Variants in DGKB observed in about 807,000 individuals in gnomAD.
DGKB encodes the protein diacylglycerol kinase beta.
DGKB carries 67 observed loss-of-function variants against 114.3 expected under a neutral mutation model. The ratio of observed to expected loss-of-function variants is 0.59; its 90% CI spans 0.48 to 0.72. DGKB has a LOEUF of 0.72. Ranked by LOEUF, DGKB falls within the 30% of genes least tolerant of loss-of-function variation. DGKB has a pLI of 0.00. For missense variants in DGKB, 907 were observed against 975.2 expected (o/e 0.93, Z 0.93); for synonymous variants, 398 against 323.1 (o/e 1.23, Z -2.49).
chr7:14,777,643 C>A (rs948670769), intron 2 of DGKB, among the ~76,000 whole-genome samples: 19 of 152,276 alleles, frequency 1.2e-4, no homozygotes, highest in Admixed American at 9.8e-4. Flanking sequence ...CCTGAGGGTT[C>A]CCTAGCCAGG....
chr7:14,965,788 T>C (rs898780119), intron 1 of DGKB, among the ~76,000 whole-genome samples: 2 of 152,120 alleles, frequency 1.3e-5, no homozygotes, highest in African/African-American at 4.8e-5. Context: ...AAATGACATG[T>C]TTGGCCCCTC....
intron 21 of DGKB, among the ~76,000 whole-genome samples, chr7:14,426,502 A>G (rs1289868720): frequency 6.6e-6 from 1 of 152,156 alleles, no homozygotes; most frequent in Non-Finnish European, 1.5e-5. Flanking sequence ...GTTAGGGGGT[A>G]CAGCTGGAAA....
intron 20 of DGKB, among the ~76,000 whole-genome samples, chr7:14,571,680 G>A (rs1434702044): frequency 2.6e-5 from 4 of 152,212 alleles, no homozygotes; most frequent in Non-Finnish European, 5.9e-5. Flanking sequence ...GAGCGGAAGA[G>A]ACGAAAGAAA....
chr7:14,176,384 T>A (rs982333258), intron 25 of DGKB: 7 of 984,970 alleles, frequency 7.1e-6, no homozygotes, highest in Admixed American at 6.1e-5. Flanking sequence ...GGAGAGAAAT[T>A]TTTTTCTTAT....
intron 17 of DGKB, among the ~76,000 whole-genome samples, chr7:14,587,543 G>A (rs75991299): frequency 0.015 from 2,273 of 152,248 alleles, 70 homozygotes; most frequent in African/African-American, 0.052. Flanking sequence ...TCTGAGGGAA[G>A]TTCTACTGTG....
intron 25 of DGKB, among the ~76,000 whole-genome samples, chr7:14,159,823 C>A (rs367959765): frequency 6.6e-6 from 1 of 152,066 alleles, no homozygotes; most frequent in East Asian, 1.9e-4. Flanking sequence ...TAGGCGTCCA[C>A]CACCACGCCC....
chr7:14,666,532 C>T (rs774137072), intron 13 of DGKB, among the ~76,000 whole-genome samples: 17 of 151,896 alleles, frequency 1.1e-4, no homozygotes, highest in Non-Finnish European at 2.1e-4. Flanking sequence ...ACCAAGAATG[C>T]ATTTTTTAAT....
chr7:14,383,443 G>T (rs1819804208), intron 21 of DGKB, among the ~76,000 whole-genome samples: 1 of 152,180 alleles, frequency 6.6e-6, no homozygotes, highest in South Asian at 2.1e-4. Context: ...TTAGCTTAAA[G>T]AAAACAGACG....
chr7:14,345,371 T>C lies in DGKB; in HGVS notation c.1856A>G (p.Tyr619Cys), dbSNP rs1037771887. ...FNSRMKNKFW[Y>C]FEFGTSETFS... The stretch of plus-strand genomic sequence containing the variant: ...AGTTTCAGATGTGCCAAACTCAAAA[T>C]ACCAAAATTTGTTCTTCATTCTGAA... The change falls in exon 22 of 26, where the codon TAT becomes TGT. Residue 619 changes from tyrosine to cysteine, a missense_variant. Tyr to Cys is a radical substitution (Grantham distance 194, BLOSUM62 -2). Around this residue, in one of 3 missense-constraint regions of DGKB, gnomAD observed 814 missense variants for 856.6 expected, o/e 0.95. Transcript: ENST00000402815. The C allele has an allele frequency of 3.9e-6, 6 of 1,541,370 alleles. No individual in the cohort carries two copies. The highest frequency in any genetic ancestry group is 8.8e-7 in the Non-Finnish European group (1 of 1,141,092).
At chr7:14,537,400 A>G (rs948568684) in intron 20 of DGKB, among the ~76,000 whole-genome samples, 2 of 152,206 alleles carry the variant, frequency 1.3e-5, no homozygotes, top group African/African-American at 4.8e-5. Context: ...CACTTCCTAC[A>G]GTAATCACGA....
At chr7:14,347,538 G>GATCTCACTTATA (rs1812686991) in intron 21 of DGKB, among the ~76,000 whole-genome samples, 2 of 152,066 alleles carry the variant, frequency 1.3e-5, no homozygotes, top group South Asian at 4.1e-4. Flanking sequence ...AATCTTGCAT[G>GATCTCACTTATA]ATCTCACTTA....
chr7:14,538,563 T>TA (rs1792914412), intron 20 of DGKB, among the ~76,000 whole-genome samples: 1 of 151,980 alleles, frequency 6.6e-6, no homozygotes, highest in Non-Finnish European at 1.5e-5. Flanking sequence ...GCCACTATGA[T>TA]AAAATAGTAT....
At chr7:14,320,615 C>CAT (rs143298086) in intron 23 of DGKB, among the ~76,000 whole-genome samples, 35 of 150,032 alleles carry the variant, frequency 2.3e-4, no homozygotes, top group African/African-American at 4.6e-4. Flanking sequence ...ATATGTGGTA[C>CAT]ATATATATAT....
At chr7:14,650,802 T>A (rs1814280751) in intron 13 of DGKB, among the ~76,000 whole-genome samples, 1 of 146,062 alleles carries the variant, frequency 6.8e-6, no homozygotes, top group African/African-American at 2.6e-5. Context: ...CAATAAAAAA[T>A]GATAAAGGGG....
chr7:14,401,149 A>G (rs1443868317), intron 21 of DGKB, among the ~76,000 whole-genome samples: 1 of 151,922 alleles, frequency 6.6e-6, no homozygotes, highest in African/African-American at 2.4e-5. Context: ...TTCCACTTTT[A>G]AAAGAATATT....
chr7:14,151,243 G>A (rs1355145878), intron 25 of DGKB, among the ~76,000 whole-genome samples: 1 of 151,920 alleles, frequency 6.6e-6, no homozygotes, highest in Non-Finnish European at 1.5e-5. Context: ...AATAGCATTA[G>A]GGCATTTTGG....
At chr7:14,173,257 A>ATCTT (rs1781270635) in intron 25 of DGKB, among the ~76,000 whole-genome samples, 2 of 152,248 alleles carry the variant, frequency 1.3e-5, no homozygotes, top group South Asian at 4.1e-4. Context: ...TCTTTTCCTG[A>ATCTT]TCTTTGAACT....
At position 14,430,834 on chromosome 7, in the gene DGKB, TTTGA is replaced by T. The variant is rs532473315; in HGVS notation, c.1835+47323_1835+47326del. On this transcript the variant is annotated intron_variant, in intron 21 of 25. Coordinates refer to ENST00000402815, the MANE Select transcript of DGKB (RefSeq NM_001350709.2). The stretch of plus-strand genomic sequence containing the variant: ...ATGATTTGGTGAAAATAATATTTAC[TTTGA>T]TTTTCATATCGTACCATAGCTATCT... 1.1e-3 allele frequency among the ~76,000 whole-genome samples: 165 copies of T among 152,318 alleles called. 3 individuals are homozygous for T. Among genetic ancestry groups the T allele is most frequent in the African/African-American group, 3.7e-3 (153 of 41,586 alleles).
At chr7:14,906,117 G>A (rs1473102220), upstream of DGKB, among the ~76,000 whole-genome samples, 1 of 151,864 alleles carries the variant, frequency 6.6e-6, no homozygotes, top group Non-Finnish European at 1.5e-5. Flanking sequence ...GGGGCTTTCA[G>A]GGTCCTATTT....
Sources: allele counts gnomAD v4.1 joint callset (sites outside exome capture counted in the v4.1 genomes callset), GRCh38; gene constraint gnomAD v4.1.1; regional missense constraint gnomAD v4.1.1; transcripts MANE v1.5; gene names NCBI Gene and HGNC (gene_info 2026-07-23, HGNC 2026-07-21).